BNC1: variants seen among roughly 807,000 people sequenced by gnomAD.
The protein encoded by BNC1 is zinc finger protein basonuclin-1.
BNC1 carries 8 observed loss-of-function variants against 66.5 expected under a neutral mutation model. That is an observed-to-expected ratio of 0.12 (90% CI 0.07 to 0.22). The LOEUF is 0.22. BNC1 is among the 10% of genes least tolerant of loss of function. The pLI, the probability that BNC1 is intolerant of heterozygous loss-of-function variation, is 1.00. For missense variants in BNC1, 1,069 were observed against 1,241.3 expected, an observed-to-expected ratio of 0.86 and a Z score of 2.09; for synonymous variants, 454 against 452.6, an observed-to-expected ratio of 1.00 and a Z score of -0.04.
At chr15:83,259,956 C>T (rs2038122796) in intron 4 of BNC1, among the ~76,000 whole-genome samples, 1 of 152,178 alleles carries the variant, frequency 6.6e-6, no homozygotes, top group South Asian at 2.1e-4. Flanking sequence ...CTCTTCCCTT[C>T]AACCCTACAA....
Position 83,284,635 on chromosome 15 carries a change from T to C in BNC1, c.-7A>G, listed in dbSNP as rs1383830556. On this transcript the variant is annotated 5_prime_UTR_variant, in exon 1 of 5. Transcript: ENST00000345382. ...TCGGCGGGCGCCGCCGCATCCACGC[T>C]CCGGCCGTCGGGGCGCGACCCGGCG... 8 of 989,808 alleles carry C rather than the reference T, an allele frequency of 8.1e-6. No homozygotes were observed. The highest frequency in any genetic ancestry group is 8.4e-6 in the Non-Finnish European group (7 of 834,624). 61.3% of individuals were successfully genotyped at this position (989,808 alleles called of 1,614,324 possible).
intron 4 of BNC1, among the ~76,000 whole-genome samples, chr15:83,259,860 T>C (rs1183876297): frequency 6.6e-6 from 1 of 152,144 alleles, no homozygotes; most frequent in Non-Finnish European, 1.5e-5. Flanking sequence ...CAGTAACTAC[T>C]ACAACTGTAA....
At chr15:83,283,040 G>T in intron 1 of BNC1, 1 of 1,408,300 alleles carries the variant, frequency 7.1e-7, no homozygotes, top group Non-Finnish European at 9.7e-7. Flanking sequence ...ACCAGGGGAC[G>T]TTACCGAACC....
chr15:83,256,659 TG>T lies in BNC1; in HGVS notation c.*782del. 1 of 152,254 alleles carries T rather than the reference TG, an allele frequency of 6.6e-6. No individual in the cohort carries two copies. 9.4% of individuals were successfully genotyped at this position (152,254 alleles called of 1,614,324 possible). A position where few individuals can be genotyped will look rare whatever the true frequency, so the allele number is the denominator to read the frequency against. On this transcript the variant is annotated 3_prime_UTR_variant, in exon 5 of 5. Transcript: ENST00000345382. ...TTTAGGTCATCACTTGTTCTGCTTC[TG>T]AGCAGAGATCCAGAGGTGACACAGT...
At chr15:83,278,409 A>C (rs1263361999) in intron 1 of BNC1, among the ~76,000 whole-genome samples, 5 of 152,226 alleles carry the variant, frequency 3.3e-5, no homozygotes, top group Non-Finnish European at 7.3e-5. Context: ...GGTTGGTCAA[A>C]AACAGCAGAG....
intron 1 of BNC1, among the ~76,000 whole-genome samples, chr15:83,280,090 T>A (rs957000292): frequency 1.7e-4 from 26 of 152,342 alleles, no homozygotes; most frequent in Middle Eastern, 6.8e-3. Context: ...TAATTTAATG[T>A]CTGTGCTTTT....
Position 83,263,361 on chromosome 15 carries a change from G to C in BNC1, c.1890C>G (p.His630Gln), listed in dbSNP as rs2038168989. 1 of 1,614,182 alleles carries C rather than the reference G, an allele frequency of 6.2e-7. No individual in the cohort carries two copies. The highest frequency in any genetic ancestry group is 1.3e-5 in the African/African-American group (1 of 75,038). Residue 630 changes from histidine to glutamine, a missense_variant, in exon 4 of 5, where the codon CAC (histidine) becomes CAG (glutamine). Transcript: ENST00000345382. ...AISQTPEQAT[H>Q]NSERETEQTP... ...TCTGCTCAGTCTCCCTCTCTGAATT[G>C]TGTGTGGCCTGCTCAGGGGTTTGGC...
chr15:83,258,673 A>T (rs1053055706), intron 4 of BNC1, among the ~76,000 whole-genome samples: 1 of 152,196 alleles, frequency 6.6e-6, no homozygotes, highest in Non-Finnish European at 1.5e-5. Context: ...GTCACAAACT[A>T]TAAGGAACTA....
intron 1 of BNC1, among the ~76,000 whole-genome samples, 155 bp from the exon 2 acceptor site, chr15:83,268,387 G>C (rs1203280703): frequency 6.6e-6 from 1 of 152,194 alleles, no homozygotes. Context: ...TTGTACTCTG[G>C]AAAGATGAGC....
intron 1 of BNC1, among the ~76,000 whole-genome samples, chr15:83,281,697 C>A (rs902199201): frequency 2.0e-5 from 3 of 152,264 alleles, no homozygotes; most frequent in Admixed American, 6.5e-5. Context: ...CCATAAGCTG[C>A]AGTTTAATTT....
chr15:83,279,506 A>T (rs1009509598), intron 1 of BNC1, among the ~76,000 whole-genome samples: 1 of 152,222 alleles, frequency 6.6e-6, no homozygotes, highest in Non-Finnish European at 1.5e-5. Context: ...CAGTGCATGC[A>T]AGAAATACCA....
Position 83,281,226 on chromosome 15 carries a change from A to AT in BNC1, c.99+3303dup, listed in dbSNP as rs2038375772. Among the ~76,000 whole-genome samples the AT allele has an allele frequency of 2.0e-5, 3 of 152,244 alleles. No homozygotes were observed. In the South Asian group the frequency reaches 6.2e-4, roughly 31 times the overall value. ...AAAGGACTTCAAAGAATGACAAGAT[A>AT]TGCAGAAATAAGGTTTTCAGGTGGA... On this transcript the variant is annotated intron_variant, in intron 1 of 4. Coordinates refer to ENST00000345382, the MANE Select transcript of BNC1 (RefSeq NM_001717.4).
At position 83,266,916 on chromosome 15, in the gene BNC1, A is replaced by G. The variant is rs2038223615; in HGVS notation, c.355T>C (p.Leu119=). The G allele has an allele frequency of 1.3e-5, 21 of 1,614,218 alleles. No individual in the cohort carries two copies. The highest frequency in any genetic ancestry group is 1.7e-5 in the Non-Finnish European group (20 of 1,180,038). The change falls in exon 3 of 5, where the codon TTG becomes CTG. Residue 119 remains leucine, a synonymous_variant. Transcript: ENST00000345382. ...KILLDRLFSV[L]KQDEVLQILH... is the part of the protein sequence containing the mutation. The stretch of plus-strand genomic sequence containing the variant: ...ATCTGGAGAACCTCATCTTGCTTCA[A>G]CACACTGAAGAGCCGGTCCAGTAGG...
At chr15:83,275,965 C>T (rs957426129) in intron 1 of BNC1, among the ~76,000 whole-genome samples, 6 of 152,072 alleles carry the variant, frequency 3.9e-5, no homozygotes, top group Non-Finnish European at 7.4e-5. Context: ...GCCCGAGCCC[C>T]TTCCCGTTCA....
chr15:83,264,889 C>A, intron 3 of BNC1, 74 bp from the exon 4 acceptor site: 2 of 1,451,258 alleles, frequency 1.4e-6, no homozygotes, highest in Non-Finnish European at 1.9e-6. Context: ...ATGTAGTCCA[C>A]TAGACTATGG....
At chr15:83,269,259 G>A (rs1354372764) in intron 1 of BNC1, among the ~76,000 whole-genome samples, 1 of 152,068 alleles carries the variant, frequency 6.6e-6, no homozygotes, top group African/African-American at 2.4e-5. Flanking sequence ...AACCCACAAA[G>A]CTTCACGTAT....
intron 3 of BNC1, among the ~76,000 whole-genome samples, chr15:83,265,883 G>A (rs964415528): frequency 1.3e-5 from 2 of 152,144 alleles, no homozygotes; most frequent in Admixed American, 1.3e-4. Flanking sequence ...ATTGTTTTTA[G>A]TGTTCATTTT....
chr15:83,284,452 G>A (rs942466391), intron 1 of BNC1, 78 bp downstream of exon 1: 2 of 957,448 alleles, frequency 2.1e-6, no homozygotes, highest in South Asian at 3.5e-5. Context: ...ACCCACGGGA[G>A]CCGGAGCCCA....
chr15:83,280,526 A>G (rs542108335), intron 1 of BNC1, among the ~76,000 whole-genome samples: 22 of 152,214 alleles, frequency 1.4e-4, no homozygotes, highest in Non-Finnish European at 2.2e-4. Flanking sequence ...GGACTCATTG[A>G]GAACTAGGTT....
Sources: gnomAD v4.1 joint callset for allele counts (sites outside exome capture counted in the v4.1 genomes callset) on GRCh38, gnomAD v4.1.1 for gene constraint, MANE v1.5 for transcripts, NCBI Gene and HGNC (gene_info 2026-07-23, HGNC 2026-07-21) for gene names.